The following ADAMTS9 variants were observed in gnomAD, a reference collection of about 807,000 sequenced individuals.
The protein encoded by ADAMTS9 is ADAM metallopeptidase with thrombospondin type 1 motif 9.
In ADAMTS9, 107 loss-of-function variants were observed where a neutral mutation model predicts 257.1. The ratio of observed to expected loss-of-function variants is 0.42; its 90% CI spans 0.36 to 0.49. The LOEUF is 0.49. Ranked by LOEUF, ADAMTS9 falls within the 20% of genes least tolerant of loss-of-function variation. The probability of loss-of-function intolerance (pLI) is 0.03; values close to 1 mark genes in which losing one functional copy is unlikely to be tolerated. For synonymous variants in ADAMTS9, 982 were observed against 880.9 expected (o/e 1.11, Z -2.03); for missense variants, 2,353 against 2,469.1 (o/e 0.95, Z 1.00).
chr3:64,605,263 T>A (rs1056823758), intron 23 of ADAMTS9, among the ~76,000 whole-genome samples: 3 of 152,154 alleles, frequency 2.0e-5, no homozygotes, highest in African/African-American at 7.2e-5. Context: ...ATAGAATAAC[T>A]TAAAGGGAAA....
At chr3:64,605,885 T>C (rs1394323187) in intron 23 of ADAMTS9, among the ~76,000 whole-genome samples, 1 of 152,250 alleles carries the variant, frequency 6.6e-6, no homozygotes, top group Non-Finnish European at 1.5e-5. Flanking sequence ...GAAATAACAA[T>C]AAAATATACA....
chr3:64,606,959 C>G lies in ADAMTS9; in HGVS notation c.3474+1G>C, dbSNP rs772663755. The G allele has an allele frequency of 6.2e-7, 1 of 1,613,542 alleles. No homozygotes were observed. The highest frequency in any genetic ancestry group is 2.2e-5 in the East Asian group (1 of 44,838). ...AACTGAGTTGGACAAAGGAAACTTA[C>G]CTGGGTATCAGTTGGTCTAGTTGCT... On this transcript the variant is annotated splice_donor_variant, in intron 23 of 39. Coordinates refer to ENST00000498707, the MANE Select transcript of ADAMTS9 (RefSeq NM_182920.2). LOFTEE classifies it high-confidence loss of function.
intron 30 of ADAMTS9, among the ~76,000 whole-genome samples, chr3:64,554,937 T>C (rs2106941076): frequency 6.6e-6 from 1 of 152,370 alleles, no homozygotes; most frequent in East Asian, 1.9e-4. Context: ...AGAAATTTTC[T>C]TTGCTTAAAG....
intron 39 of ADAMTS9, among the ~76,000 whole-genome samples, chr3:64,520,517 A>T (rs188703208): frequency 6.6e-6 from 1 of 152,180 alleles, no homozygotes; most frequent in Non-Finnish European, 1.5e-5. Flanking sequence ...AGCCAGAGGT[A>T]TCATATTACC....
At chr3:64,655,340 G>A (rs1412064569) in intron 6 of ADAMTS9, among the ~76,000 whole-genome samples, 2 of 152,198 alleles carry the variant, frequency 1.3e-5, no homozygotes, top group African/African-American at 4.8e-5. Flanking sequence ...GCAATGTCTG[G>A]AGACATTGCT....
At chr3:64,681,516 G>A (rs1473841303) in intron 2 of ADAMTS9, among the ~76,000 whole-genome samples, 153 bp from the exon 3 acceptor site, 4 of 152,138 alleles carry the variant, frequency 2.6e-5, no homozygotes, top group South Asian at 2.1e-4. Flanking sequence ...CAACATATGC[G>A]GAGAAGTGGT....
intron 22 of ADAMTS9, among the ~76,000 whole-genome samples, chr3:64,610,401 A>C (rs1001918374): frequency 6.6e-6 from 1 of 152,204 alleles, no homozygotes; most frequent in African/African-American, 2.4e-5. Flanking sequence ...AACAACGAGA[A>C]AAACAGATCA....
chr3:64,600,083 A>C (rs2084431843), intron 26 of ADAMTS9, among the ~76,000 whole-genome samples: 1 of 123,292 alleles, frequency 8.1e-6, no homozygotes, highest in African/African-American at 3.1e-5. Context: ...CAAAACTCCT[A>C]ATTGCTAACA....
chr3:64,681,905 G>A (rs1018549782), intron 2 of ADAMTS9, among the ~76,000 whole-genome samples: 4 of 152,258 alleles, frequency 2.6e-5, no homozygotes, highest in Non-Finnish European at 2.9e-5. Context: ...GCAGGCTGTC[G>A]AAAGAGTCTT....
intron 28 of ADAMTS9, among the ~76,000 whole-genome samples, chr3:64,581,328 T>C (rs1022871313): frequency 1.1e-4 from 16 of 152,276 alleles, no homozygotes; most frequent in South Asian, 2.1e-4. Flanking sequence ...TGGTGTGTCT[T>C]TGTTTAGGGG....
chr3:64,613,697 T>C (rs890682392), intron 21 of ADAMTS9, among the ~76,000 whole-genome samples, 188 bp from the exon 22 acceptor site: 1 of 152,196 alleles, frequency 6.6e-6, no homozygotes, highest in African/African-American at 2.4e-5. Flanking sequence ...TCATTCTATA[T>C]TTATAGTCTC....
intron 3 of ADAMTS9, among the ~76,000 whole-genome samples, chr3:64,665,791 C>A (rs1343685036): frequency 6.6e-6 from 1 of 152,220 alleles, no homozygotes; most frequent in Admixed American, 6.5e-5. Flanking sequence ...ACCCTACTAT[C>A]CCATATGAAG....
chr3:64,549,310 A>C (rs2083241195), intron 31 of ADAMTS9, among the ~76,000 whole-genome samples: 1 of 152,130 alleles, frequency 6.6e-6, no homozygotes, highest in Admixed American at 6.5e-5. Flanking sequence ...TTATGGTTAT[A>C]TTAAAGCTAT....
chr3:64,565,611 C>T (rs2083524838), intron 29 of ADAMTS9: 1 of 152,084 alleles, frequency 6.6e-6, no homozygotes, highest in African/African-American at 2.4e-5. Context: ...TATTTTTGAT[C>T]TTTATTTTAA....
intron 29 of ADAMTS9, among the ~76,000 whole-genome samples, chr3:64,564,909 C>T (rs1440759003): frequency 6.6e-6 from 1 of 152,048 alleles, no homozygotes; most frequent in African/African-American, 2.4e-5. Context: ...AAAAACAAAA[C>T]CAAAAACACA....
chr3:64,607,100 G>A (rs2084569465), intron 22 of ADAMTS9, 21 bp from the exon 23 acceptor site: 6 of 1,611,058 alleles, frequency 3.7e-6, no homozygotes, highest in Non-Finnish European at 5.1e-6. Flanking sequence ...GAGGACAAAA[G>A]GTATATACAA....
chr3:64,651,851 G>A (rs1335053263), intron 8 of ADAMTS9, among the ~76,000 whole-genome samples: 1 of 152,126 alleles, frequency 6.6e-6, no homozygotes, highest in Non-Finnish European at 1.5e-5. Flanking sequence ...GAAAAGCCAG[G>A]CACAAAAGGG....
intron 28 of ADAMTS9, among the ~76,000 whole-genome samples, chr3:64,579,576 G>A (rs942486307): frequency 3.3e-5 from 5 of 151,768 alleles, no homozygotes; most frequent in Non-Finnish European, 7.4e-5. Context: ...AGGTTTTTGT[G>A]TGTTTTTTTT....
intron 16 of ADAMTS9, among the ~76,000 whole-genome samples, chr3:64,627,882 G>T (rs1700265781): frequency 6.6e-6 from 1 of 152,130 alleles, no homozygotes; most frequent in Admixed American, 6.6e-5. Context: ...CTCAACGCGA[G>T]ACTCAGTGTG....
Sources: gnomAD v4.1 joint callset for allele counts (sites outside exome capture counted in the v4.1 genomes callset) on GRCh38, gnomAD v4.1.1 for gene constraint, MANE v1.5 for transcripts, NCBI Gene and HGNC (gene_info 2026-07-23, HGNC 2026-07-21) for gene names.